The following MEIS1 variants were observed in gnomAD, a reference collection of about 807,000 sequenced individuals.
The protein encoded by MEIS1 is homeobox protein Meis1.
MEIS1 carries 5 observed loss-of-function variants against 50.8 expected under a neutral mutation model. The observed-to-expected ratio is 0.10, with a 90% CI of 0.05 to 0.21. The LOEUF (loss-of-function observed/expected upper bound fraction) is 0.21. MEIS1 is among the 10% of genes least tolerant of loss of function. The probability of loss-of-function intolerance (pLI) is 1.00; values close to 1 mark genes in which losing one functional copy is unlikely to be tolerated. For missense variants in MEIS1, 318 were observed against 517.3 expected (o/e 0.61, Z 3.74); for synonymous variants, 176 against 179.3 (o/e 0.98, Z 0.15).
intron 8 of MEIS1, among the ~76,000 whole-genome samples, chr2:66,538,679 A>G (rs1409779914): frequency 3.9e-5 from 6 of 152,226 alleles, no homozygotes; most frequent in African/African-American, 1.4e-4. Context: ...TTTTATTAGT[A>G]GTCTACTAAA....
Position 66,442,953 on chromosome 2 carries a change from G to C in MEIS1, c.535G>C (p.Gly179Arg). The change falls in exon 6 of 13, where the codon GGG becomes CGG. Residue 179 changes from glycine (G) to arginine (R), a missense_variant. Around this residue, in one of 6 missense-constraint regions of MEIS1, gnomAD observed 75 missense variants for 153.7 expected, o/e 0.49. Transcript: ENST00000272369. Reference protein sequence around the residue: ...FCHRYISCLKGKMPIDLVIDD... With the variant: ...FCHRYISCLKRKMPIDLVIDD... ...CCACCGGTATATTAGCTGTTTGAAA[G>C]GGAAAATGCCTATCGATTTGGTGAT... 1 of 1,602,704 alleles carries C rather than the reference G, an allele frequency of 6.2e-7. No homozygotes were observed. Among genetic ancestry groups the C allele is most frequent in the Non-Finnish European group, 8.5e-7 (1 of 1,176,488 alleles).
At chr2:66,535,174 G>A (rs778137869) in intron 8 of MEIS1, among the ~76,000 whole-genome samples, 6 of 151,972 alleles carry the variant, frequency 3.9e-5, no homozygotes, top group Non-Finnish European at 8.8e-5. Context: ...AGGCCTTAGG[G>A]CCAGCAACTT....
At chr2:66,564,194 T>C (rs1014625240) in intron 9 of MEIS1, among the ~76,000 whole-genome samples, 36 of 152,264 alleles carry the variant, frequency 2.4e-4, no homozygotes, top group African/African-American at 7.9e-4. Flanking sequence ...TTTTCTCAGG[T>C]TTTCAGTGTT....
intron 9 of MEIS1, among the ~76,000 whole-genome samples, chr2:66,549,757 G>T (rs958227648): frequency 4.6e-5 from 7 of 152,066 alleles, no homozygotes; most frequent in Non-Finnish European, 7.4e-5. Context: ...TCATTCAGGG[G>T]ATCTATCCTG....
rs199557481 is a variant in MEIS1, at chr2:66,501,869, A to AT, written c.743-10269dup. ...TCCAATGCACATTCACATTTTGTCA[A>AT]TTTTTTTTTTTCATTCTATGAAAAC... On this transcript the variant is annotated intron_variant, in intron 7 of 12. Coordinates refer to ENST00000272369, the MANE Select transcript of MEIS1 (RefSeq NM_002398.3). Among the ~76,000 whole-genome samples, 687 of 148,376 alleles carry AT rather than the reference A, an allele frequency of 4.6e-3. 6 individuals are homozygous for AT. The highest frequency in any genetic ancestry group is 9.8e-3 in the African/African-American group (397 of 40,646).
At chr2:66,448,967 T>C (rs962327533) in intron 6 of MEIS1, among the ~76,000 whole-genome samples, 4 of 148,986 alleles carry the variant, frequency 2.7e-5, no homozygotes, top group Admixed American at 6.6e-5. Flanking sequence ...TTGTGGATTA[T>C]GATATCTGTC....
chr2:66,540,607 T>G (rs2103914884), intron 8 of MEIS1, among the ~76,000 whole-genome samples: 1 of 152,298 alleles, frequency 6.6e-6, no homozygotes, highest in African/African-American at 2.4e-5. Flanking sequence ...CCTGGTTTTC[T>G]TAATGGCCAT....
At chr2:66,441,561 T>C in intron 5 of MEIS1, 97 bp downstream of exon 5, 2 of 969,988 alleles carry the variant, frequency 2.1e-6, no homozygotes, top group Non-Finnish European at 3.0e-6. Context: ...TTCTGATACA[T>C]TTGCATAAAT....
chr2:66,568,516 GAGA>G, intron 10 of MEIS1, 148 bp from the exon 11 acceptor site: 1 of 562,300 alleles, frequency 1.8e-6, no homozygotes. Context: ...GATCTAGTCT[GAGA>G]GAAATTTCAC....
At chr2:66,493,552 CCAT>C (rs1170985471) in intron 7 of MEIS1, among the ~76,000 whole-genome samples, 1 of 152,084 alleles carries the variant, frequency 6.6e-6, no homozygotes, top group Admixed American at 6.5e-5. Context: ...TGGTTTTCTT[CCAT>C]CATCATATCA....
At position 66,448,042 on chromosome 2, in the gene MEIS1, A is replaced by AATT. The variant is rs986295361; in HGVS notation, c.630+4996_630+4997insTAT. On this transcript the variant is annotated intron_variant, in intron 6 of 12. Coordinates refer to ENST00000272369, the MANE Select transcript of MEIS1 (RefSeq NM_002398.3). ...ATGACTCCATTGCTCACCATTCTGA[A>AATT]ATATATAGAGTAGTTGTTTTATATA... Among the ~76,000 whole-genome samples, 9 of 152,246 alleles carry AATT rather than the reference A, an allele frequency of 5.9e-5. 1 individual carries two copies. The highest frequency in any genetic ancestry group is 1.9e-4 in the African/African-American group (8 of 41,568).
intron 7 of MEIS1, chr2:66,508,952 T>A (rs924463900): frequency 1.3e-5 from 6 of 459,736 alleles, no homozygotes; most frequent in Non-Finnish European, 2.7e-5. Context: ...AGGAATGAAG[T>A]CACTGCTGAC....
At chr2:66,458,215 A>G (rs144366658) in intron 6 of MEIS1, among the ~76,000 whole-genome samples, 2 of 151,984 alleles carry the variant, frequency 1.3e-5, no homozygotes, top group East Asian at 3.9e-4. Flanking sequence ...GTGGTGAATG[A>G]CTGACTGGGA....
At chr2:66,529,274 A>G (rs1199543305) in intron 8 of MEIS1, among the ~76,000 whole-genome samples, 1 of 152,110 alleles carries the variant, frequency 6.6e-6, no homozygotes, top group African/African-American at 2.4e-5. Flanking sequence ...TCAGAGCTGT[A>G]CTATAGATGC....
intron 6 of MEIS1, among the ~76,000 whole-genome samples, chr2:66,460,490 A>G (rs1392257512): frequency 6.6e-6 from 1 of 152,222 alleles, no homozygotes; most frequent in African/African-American, 2.4e-5. Context: ...GCTTGCTTCA[A>G]ATATTTTAAA....
intron 1 of MEIS1, 135 bp downstream of exon 1, chr2:66,436,003 G>A: frequency 4.4e-6 from 3 of 682,152 alleles, no homozygotes; most frequent in Non-Finnish European, 7.0e-6. Context: ...TGGCCTAAGC[G>A]AGAGGATTTA....
At chr2:66,559,084 G>T (rs1372406619) in intron 9 of MEIS1, among the ~76,000 whole-genome samples, 1 of 151,838 alleles carries the variant, frequency 6.6e-6, no homozygotes, top group Non-Finnish European at 1.5e-5. Flanking sequence ...AGAAATTGCA[G>T]TGAGCTGAGA....
chr2:66,491,337 G>A (rs1340371635), intron 7 of MEIS1, among the ~76,000 whole-genome samples: 2 of 152,192 alleles, frequency 1.3e-5, no homozygotes, highest in Non-Finnish European at 2.9e-5. Flanking sequence ...GTCTGTGGAT[G>A]GAATTTTCTG....
In MEIS1 at chr2:66,439,941, CGTCAGA is replaced by C; in HGVS notation, c.343_348del (p.Glu115_Ser116del). Reference sequence around the variant, plus strand: ...GGGGTGGCGGGCGGGGACGTCTGCTCGTCAGAGTCATTCAATGAAGATATAGCCGTG... The same window carrying C: ...GGGGTGGCGGGCGGGGACGTCTGCTCGTCATTCAATGAAGATATAGCCGTG... On this transcript the variant is annotated inframe_deletion, in exon 3 of 13. Transcript: ENST00000272369. 6.2e-7 allele frequency: 1 copy of C among 1,612,992 alleles called. No homozygotes were observed. Among genetic ancestry groups the C allele is most frequent in the Non-Finnish European group, 8.5e-7 (1 of 1,179,510 alleles).
Sources: allele counts gnomAD v4.1 joint callset (sites outside exome capture counted in the v4.1 genomes callset), GRCh38; gene constraint gnomAD v4.1.1; regional missense constraint gnomAD v4.1.1; transcripts MANE v1.5; gene names NCBI Gene and HGNC (gene_info 2026-07-23, HGNC 2026-07-21).